The following DPP10 variants were observed in gnomAD, a reference collection of about 807,000 sequenced individuals.
DPP10 encodes the protein inactive dipeptidyl peptidase 10.
Under a neutral mutation model 120.9 loss-of-function variants are expected in DPP10, and 33 were observed. The observed-to-expected ratio is 0.27, with a 90% CI of 0.21 to 0.37. DPP10 has a LOEUF of 0.37. Among genes scored for constraint, DPP10 ranks in the 10% least tolerant of loss-of-function variants. The pLI is 1.00. For synonymous variants in DPP10, 337 were observed against 326.1 expected, an observed-to-expected ratio of 1.03 and a Z score of -0.36; for missense variants, 816 against 942.8, an observed-to-expected ratio of 0.87 and a Z score of 1.76.
intron 5 of DPP10, among the ~76,000 whole-genome samples, chr2:115,609,051 C>G (rs940238515): frequency 7.9e-5 from 12 of 151,972 alleles, no homozygotes; most frequent in African/African-American, 2.9e-4. Context: ...AAAATGATTT[C>G]TGCTAGGGCA....
chr2:115,451,955 C>A (rs1266885849), intron 3 of DPP10, among the ~76,000 whole-genome samples: 2 of 151,794 alleles, frequency 1.3e-5, no homozygotes, highest in South Asian at 2.1e-4. Context: ...TAAATCCCCC[C>A]AAAATGGAAC....
intron 7 of DPP10, among the ~76,000 whole-genome samples, chr2:115,724,923 C>G (rs2149626605): frequency 6.6e-6 from 1 of 152,158 alleles, no homozygotes; most frequent in African/African-American, 2.4e-5. Flanking sequence ...TTTCGAACAG[C>G]CAGATCTCAC....
At chr2:115,089,077 C>G (rs1709023189) in intron 1 of DPP10, among the ~76,000 whole-genome samples, 1 of 152,074 alleles carries the variant, frequency 6.6e-6, no homozygotes, top group African/African-American at 2.4e-5. Context: ...TTATGCGCCA[C>G]CTTCTGCCCG....
intron 5 of DPP10, among the ~76,000 whole-genome samples, chr2:115,547,832 C>G (rs1349273534): frequency 6.6e-6 from 1 of 150,716 alleles, no homozygotes; most frequent in Admixed American, 6.6e-5. Context: ...TGCATATTTT[C>G]TATTTCTTTA....
intron 1 of DPP10, among the ~76,000 whole-genome samples, chr2:115,173,708 T>G (rs2105081429): frequency 6.6e-6 from 1 of 152,324 alleles, no homozygotes; most frequent in Non-Finnish European, 1.5e-5. Flanking sequence ...TAACATGCAC[T>G]GTGGGCTCAT....
At chr2:115,027,138 C>T (rs1045117186) in intron 1 of DPP10, among the ~76,000 whole-genome samples, 11 of 151,946 alleles carry the variant, frequency 7.2e-5, no homozygotes, top group Non-Finnish European at 5.9e-5. Context: ...TTTTTGTTGG[C>T]GTATAGAAAT....
chr2:114,568,042 G>GAT (rs1689339921), intron 1 of DPP10, among the ~76,000 whole-genome samples: 1 of 111,464 alleles, frequency 9.0e-6, no homozygotes, highest in South Asian at 3.6e-4. Context: ...GAGAGAGAGA[G>GAT]ATACTGTAAA....
intron 1 of DPP10, among the ~76,000 whole-genome samples, chr2:115,101,726 A>T (rs2048699621): frequency 6.6e-6 from 1 of 152,164 alleles, no homozygotes; most frequent in Non-Finnish European, 1.5e-5. Context: ...GCCAAAGATA[A>T]CTGGACTCCT....
At chr2:114,807,619 TTTA>T (rs1684843471) in intron 1 of DPP10, among the ~76,000 whole-genome samples, 1 of 152,212 alleles carries the variant, frequency 6.6e-6, no homozygotes, top group Non-Finnish European at 1.5e-5. Flanking sequence ...TATATCATTG[TTTA>T]TTATTTTTGT....
intron 1 of DPP10, among the ~76,000 whole-genome samples, chr2:114,787,230 A>G (rs1682840414): frequency 6.6e-6 from 1 of 152,170 alleles, no homozygotes; most frequent in Non-Finnish European, 1.5e-5. Flanking sequence ...TATCAGAAGA[A>G]AGAGCATTCC....
chr2:114,449,849 T>C (rs1034280458), intron 1 of DPP10, among the ~76,000 whole-genome samples: 2 of 152,204 alleles, frequency 1.3e-5, no homozygotes, highest in African/African-American at 4.8e-5. Flanking sequence ...GCAATTATTA[T>C]TAACTATAAT....
At chr2:115,216,560 G>T (rs141347036) in intron 1 of DPP10, among the ~76,000 whole-genome samples, 2,077 of 152,194 alleles carry the variant, frequency 0.014, 50 homozygotes, top group African/African-American at 0.048. Context: ...GAGGCAGGTG[G>T]ATCACCTGAG....
chr2:114,727,847 T>C (rs760937916), intron 1 of DPP10, among the ~76,000 whole-genome samples: 2 of 152,098 alleles, frequency 1.3e-5, no homozygotes, highest in Non-Finnish European at 2.9e-5. Flanking sequence ...GCAGTGAGAG[T>C]CACTACTTAT....
intron 5 of DPP10, among the ~76,000 whole-genome samples, chr2:115,642,723 A>G (rs1401372394): frequency 2.0e-5 from 3 of 152,042 alleles, no homozygotes; most frequent in Admixed American, 1.3e-4. Flanking sequence ...GTGTGTTTAC[A>G]TATATGCATA....
chr2:115,625,946 A>G (rs996135043), intron 5 of DPP10, among the ~76,000 whole-genome samples: 1 of 151,598 alleles, frequency 6.6e-6, no homozygotes, highest in South Asian at 2.1e-4. Context: ...AGAATGTATG[A>G]TATTTTTTCT....
intron 1 of DPP10, among the ~76,000 whole-genome samples, chr2:114,709,788 C>G (rs1474601706): frequency 2.6e-5 from 4 of 152,122 alleles, no homozygotes; most frequent in African/African-American, 9.7e-5. Context: ...TTTTTTCTCT[C>G]ATTTCCTCCT....
chr2:115,499,687 A>G, intron 4 of DPP10, 83 bp downstream of exon 4: 1 of 930,460 alleles, frequency 1.1e-6, no homozygotes, highest in Non-Finnish European at 1.6e-6. Flanking sequence ...TCTATTCTTC[A>G]GCTCCAGCAT....
intron 5 of DPP10, among the ~76,000 whole-genome samples, chr2:115,606,427 A>C (rs558342247): frequency 2.0e-5 from 3 of 152,320 alleles, no homozygotes; most frequent in African/African-American, 7.2e-5. Flanking sequence ...AAAATGTGCT[A>C]TATTTTCTTG....
rs143923266 is a variant in DPP10 at position 114,974,874 on chromosome 2, A to C, written c.61-334365A>C. ...CATAACTGTAAAATGATAGTAAGAA[A>C]TATACATATATAATAATATATAAAA... is the stretch of plus-strand genomic sequence containing the variant. On this transcript the variant is annotated intron_variant, in intron 1 of 25. Transcript: ENST00000410059. Among the ~76,000 whole-genome samples, 546 of 152,160 alleles carry C rather than the reference A, an allele frequency of 3.6e-3. 8 individuals carry two copies. The highest frequency in any genetic ancestry group is 9.8e-3 in the Admixed American group (150 of 15,280).
Sources: allele counts gnomAD v4.1 joint callset (sites outside exome capture counted in the v4.1 genomes callset), GRCh38; gene constraint gnomAD v4.1.1; transcripts MANE v1.5; gene names NCBI Gene and HGNC (gene_info 2026-07-23, HGNC 2026-07-21).